The following ACAA1 variants were observed in gnomAD, a reference collection of about 807,000 sequenced individuals.
ACAA1 encodes the protein acetyl-CoA acyltransferase 1.
A neutral mutation model predicts 48.8 loss-of-function variants in ACAA1; 44 were observed. The ratio of observed to expected loss-of-function variants is 0.90; its 90% CI spans 0.71 to 1.16. The LOEUF (loss-of-function observed/expected upper bound fraction) is 1.16. ACAA1 is among the 50% of genes most tolerant of loss of function. ACAA1 has a pLI of 0.00. For missense variants in ACAA1, 512 were observed against 562.3 expected, an observed-to-expected ratio of 0.91 and a Z score of 0.90; for synonymous variants, 233 against 226.5, an observed-to-expected ratio of 1.03 and a Z score of -0.26.
chr3:38,128,144 A>G lies in ACAA1; in HGVS notation c.546-278T>C, dbSNP rs900627444. On this transcript the variant is annotated intron_variant, in intron 6 of 11. Transcript: ENST00000333167. ...CTTTCTTCAAGAGAGGGCAGCCTGC[A>G]TGGGGGCAGTTGCAGAAAGGAGTTT... Among the ~76,000 whole-genome samples, 4 of 148,436 alleles carry G rather than the reference A, an allele frequency of 2.7e-5. No homozygotes were observed. In the South Asian group the frequency reaches 6.8e-4, roughly 25 times the overall value.
chr3:38,125,681 G>C lies in ACAA1; in HGVS notation c.1083C>G (p.Leu361=), dbSNP rs1335497139. The C allele has an allele frequency of 6.3e-7, 1 of 1,599,962 alleles. No homozygotes were observed. The highest frequency in any genetic ancestry group is 1.1e-5 in the South Asian group (1 of 88,884). ...CCAGGGGGTTCACCTTCTCAGGGGG[G>C]AGTCGTAGCTTCTCCACACAGTAGG... ...QAAYCVEKLR[L]PPEKVNPLGG... The change falls in exon 11 of 12, where the codon CTC becomes CTG. Residue 361 remains leucine (L), a synonymous_variant. Coordinates refer to ENST00000333167, the MANE Select transcript of ACAA1 (RefSeq NM_001607.4).
Position 38,126,899 on chromosome 3 carries a change from C to T in ACAA1, c.627-199G>A, listed in dbSNP as rs1261932965. Among the ~76,000 whole-genome samples the T allele has an allele frequency of 1.3e-5, 2 of 152,174 alleles. No homozygotes were observed. The highest frequency in any genetic ancestry group is 1.9e-4 in the East Asian group (1 of 5,170). On this transcript the variant is annotated intron_variant, in intron 7 of 11. Coordinates refer to ENST00000333167, the MANE Select transcript of ACAA1 (RefSeq NM_001607.4). This position sits in a 1 kb window ranked among gnomAD's most constrained non-coding sequence, Gnocchi z 4.7. ...TCAGCCCCAGACCTCCAGATCGTGG[C>T]CAATCCCAACCTCAAAGGGGGGAAA...
intron 2 of ACAA1, among the ~76,000 whole-genome samples, chr3:38,134,888 C>G (rs900751123): frequency 6.6e-6 from 1 of 151,910 alleles, no homozygotes; most frequent in South Asian, 2.1e-4. Context: ...TCCCCCAGCC[C>G]GACACCTGTA....
intron 3 of ACAA1, 41 bp from the exon 4 acceptor site, chr3:38,132,046 C>A: frequency 6.4e-7 from 1 of 1,561,000 alleles, no homozygotes; most frequent in Non-Finnish European, 8.8e-7. Flanking sequence ...CCCCCAATTC[C>A]ATGCCAGGCT....
chr3:38,125,176 G>A (rs923212816), intron 11 of ACAA1: 9 of 166,224 alleles, frequency 5.4e-5, no homozygotes, highest in African/African-American at 1.9e-4. Flanking sequence ...AGCGGAAAAT[G>A]CACTAATCCC....
Position 38,126,221 on chromosome 3 carries a change from GGGACCCCAACCACTGCATAAGACCTCA to G in ACAA1, c.911_937del (p.Leu304_Val312del), listed in dbSNP as rs756596092. The stretch of plus-strand genomic sequence containing the variant: ...AGGTCCAATGCCCATGATGTCAGGT[GGGACCCCAACCACTGCATAAGACCTCA>G]GGACCCCAAGGATGGGAAGGCCCAA... On this transcript the variant is annotated inframe_deletion, in exon 9 of 12. Transcript: ENST00000333167. This position sits in a 1 kb window ranked among gnomAD's most constrained non-coding sequence, Gnocchi z 4.7. 6.2e-7 allele frequency: 1 copy of G among 1,614,202 alleles called. No homozygotes were observed. The highest frequency in any genetic ancestry group is 8.5e-7 in the Non-Finnish European group (1 of 1,180,028).
At position 38,136,982 on chromosome 3, in the gene ACAA1, G is replaced by A; in HGVS notation, c.54C>T (p.Gly18=). ...LGHLRGPADS[G]WMPQAAPCLS... is the part of the protein sequence containing the mutation. Reference sequence around the variant, plus strand: ...GGCAAGGCGCGGCCTGCGGCATCCAGCCGGAATCGGCCGGACCCCTCAGGT... The same window carrying A: ...GGCAAGGCGCGGCCTGCGGCATCCAACCGGAATCGGCCGGACCCCTCAGGT... Residue 18 remains glycine, a synonymous_variant, in exon 1 of 12, where the codon GGC becomes GGT. Coordinates refer to ENST00000333167, the MANE Select transcript of ACAA1 (RefSeq NM_001607.4). The A allele has an allele frequency of 6.4e-7, 1 of 1,560,190 alleles. No individual in the cohort carries two copies. Among genetic ancestry groups the A allele is most frequent in the Non-Finnish European group, 8.7e-7 (1 of 1,154,712 alleles).
intron 3 of ACAA1, chr3:38,132,639 G>A (rs1700811863): frequency 6.6e-6 from 1 of 152,232 alleles, no homozygotes; most frequent in African/African-American, 2.4e-5. Context: ...CCCTCCTGAT[G>A]TAACCTGCCT....
chr3:38,126,686 T>C lies in ACAA1; in HGVS notation c.641A>G (p.Gln214Arg). The change falls in exon 8 of 12, where the codon CAG becomes CGG. Residue 214 changes from glutamine to arginine, a missense_variant. By Grantham distance (43) the Gln-to-Arg change is conservative. Coordinates refer to ENST00000333167, the MANE Select transcript of ACAA1 (RefSeq NM_001607.4). The surrounding 1 kb of genome is among the most constrained non-coding windows in gnomAD (Gnocchi z 4.7). ...CTCAGCTTGGAAACAGCCCTTGCTC[T>C]GGGCTCTTGCTGCCCTGCCAGCACC... ...LASQQKAARAQSKGCFQAEIV... is the reference protein window; with the variant it reads ...LASQQKAARARSKGCFQAEIV... 1.2e-6 allele frequency: 2 copies of C among 1,613,680 alleles called. No homozygotes were observed. The highest frequency in any genetic ancestry group is 1.7e-6 in the Non-Finnish European group (2 of 1,180,018).
In ACAA1 at chr3:38,126,502, A is replaced by G. The variant is rs1700685392; in HGVS notation, c.817+8T>C. On this transcript the variant is annotated splice_region_variant and intron_variant, in intron 8 of 11. Coordinates refer to ENST00000333167, the MANE Select transcript of ACAA1 (RefSeq NM_001607.4). This position sits in a 1 kb window ranked among gnomAD's most constrained non-coding sequence, Gnocchi z 4.7. The stretch of plus-strand genomic sequence containing the variant: ...CTTTCTCATACCCCTACCCCGGACC[A>G]GTCTCACCAGCTGTGGTAGAACCAT... 6.2e-7 allele frequency: 1 copy of G among 1,614,186 alleles called. No individual in the cohort carries two copies. The highest frequency in any genetic ancestry group is 8.5e-7 in the Non-Finnish European group (1 of 1,180,030).
At chr3:38,134,385 C>G (rs917208341) in intron 2 of ACAA1, 1 of 421,594 alleles carries the variant, frequency 2.4e-6, no homozygotes, top group African/African-American at 2.0e-5. Flanking sequence ...ACAGTGATTG[C>G]CGACCTAGGG....
Position 38,137,112 on chromosome 3 carries a change from C to T in ACAA1, c.-77G>A, listed in dbSNP as rs759102793. ...GTTAACAGACAGCCGTCCGCACACG[C>T]GCAGAACCACATCTCAGCCTCCAAG... On this transcript the variant is annotated 5_prime_UTR_variant, in exon 1 of 12. Transcript: ENST00000333167. The T allele has an allele frequency of 1.8e-5, 21 of 1,199,630 alleles. No homozygotes were observed. The highest frequency in any genetic ancestry group is 2.2e-5 in the Non-Finnish European group (19 of 871,466). The allele number at this position is 1,199,630 out of a possible 1,614,324, so 74.3% of individuals were successfully genotyped here. A position where few individuals can be genotyped will look rare whatever the true frequency, so the allele number is the denominator to read the frequency against.
chr3:38,126,533 T>C lies in ACAA1; in HGVS notation c.794A>G (p.Lys265Arg). 1.2e-6 allele frequency: 2 copies of C among 1,614,208 alleles called. No homozygotes were observed. Among genetic ancestry groups the C allele is most frequent in the Non-Finnish European group, 8.5e-7 (1 of 1,180,018 alleles). ...EGLAKLKPAFKKDGSTTAGNS... is the reference protein window; with the variant it reads ...EGLAKLKPAFRKDGSTTAGNS... ...ACCAGCTGTGGTAGAACCATCTTTC[T>C]TGAAGGCAGGCTTCAGTTTGGCCAG... Residue 265 changes from lysine to arginine, a missense_variant, in exon 8 of 12, where the codon AAG becomes AGG. Coordinates refer to ENST00000333167, the MANE Select transcript of ACAA1 (RefSeq NM_001607.4). The surrounding 1 kb of genome is among the most constrained non-coding windows in gnomAD (Gnocchi z 4.7).
chr3:38,130,392 T>C (rs2125768301), intron 5 of ACAA1, among the ~76,000 whole-genome samples: 1 of 152,384 alleles, frequency 6.6e-6, no homozygotes, highest in South Asian at 2.1e-4. Context: ...ATCCCCATTT[T>C]ATAGATCAGG....
rs527877757 is a variant in ACAA1 at position 38,129,972 on chromosome 3, G to A, written c.447-584C>T. On this transcript the variant is annotated intron_variant, in intron 5 of 11. Coordinates refer to ENST00000333167, the MANE Select transcript of ACAA1 (RefSeq NM_001607.4). The surrounding 1 kb of genome is among the most constrained non-coding windows in gnomAD (Gnocchi z 5.3). The stretch of plus-strand genomic sequence containing the variant: ...GGAGAATGGCGTAAACCCAGGAGGC[G>A]GAACTTGCAGTGAGATGAGATCGTG... Among the ~76,000 whole-genome samples, 51 of 152,278 alleles carry A rather than the reference G, an allele frequency of 3.3e-4. No homozygotes were observed. The highest frequency in any genetic ancestry group is 1.2e-3 in the African/African-American group (51 of 41,552).
At chr3:38,123,986 G>A (rs574061661) in intron 11 of ACAA1, 1 of 151,172 alleles carries the variant, frequency 6.6e-6, no homozygotes, top group East Asian at 1.9e-4. Flanking sequence ...CAGCCAGCCT[G>A]GACAACGGAG....
Position 38,126,819 on chromosome 3 carries a change from GA to G in ACAA1, c.627-120del. On this transcript the variant is annotated intron_variant, in intron 7 of 11. Coordinates refer to ENST00000333167, the MANE Select transcript of ACAA1 (RefSeq NM_001607.4). This position sits in a 1 kb window ranked among gnomAD's most constrained non-coding sequence, Gnocchi z 4.7. ...GGCTGCTAAATTCAGGGACATGCTC[GA>G]CTTTGGGGGAGCTCTGAGGGCATGG... 1.7e-6 allele frequency: 2 copies of G among 1,205,712 alleles called. No individual in the cohort carries two copies. Among genetic ancestry groups the G allele is most frequent in the Non-Finnish European group, 2.3e-6 (2 of 854,808 alleles). The allele number at this position is 1,205,712 out of a possible 1,614,324, so 74.7% of individuals were successfully genotyped here. A position where few individuals can be genotyped will look rare whatever the true frequency, so the allele number is the denominator to read the frequency against.
Position 38,133,939 on chromosome 3 carries a change from T to C in ACAA1, c.323+13A>G. ...AAAATGGCCAACCCATGGCTAGAAC[T>C]AGAAAAGTTTACCTCAGAAACTGGG... is the stretch of plus-strand genomic sequence containing the variant. On this transcript the variant is annotated intron_variant, in intron 3 of 11. Coordinates refer to ENST00000333167, the MANE Select transcript of ACAA1 (RefSeq NM_001607.4). 2 of 1,614,066 alleles carry C rather than the reference T, an allele frequency of 1.2e-6. No homozygotes were observed. The highest frequency in any genetic ancestry group is 1.7e-6 in the Non-Finnish European group (2 of 1,179,948).
chr3:38,130,599 C>T (rs1289307573), intron 5 of ACAA1, among the ~76,000 whole-genome samples: 4 of 152,202 alleles, frequency 2.6e-5, no homozygotes, highest in Non-Finnish European at 5.9e-5. Context: ...CTAGTACCAT[C>T]ATCCTTAACC....
Sources: allele counts gnomAD v4.1 joint callset (sites outside exome capture counted in the v4.1 genomes callset), GRCh38; gene constraint gnomAD v4.1.1; non-coding constraint Gnocchi (gnomAD v3.1); transcripts MANE v1.5; gene names NCBI Gene and HGNC (gene_info 2026-07-23, HGNC 2026-07-21).